Variants in ERC2 observed in about 807,000 individuals in gnomAD.
The protein encoded by ERC2 is ERC protein 2.
Under a neutral mutation model 114.8 loss-of-function variants are expected in ERC2, and 42 were observed. The ratio of observed to expected loss-of-function variants is 0.37; its 90% CI spans 0.29 to 0.47. The LOEUF (loss-of-function observed/expected upper bound fraction) is 0.47. Ranked by LOEUF, ERC2 falls within the 20% of genes least tolerant of loss-of-function variation. The probability of loss-of-function intolerance (pLI) is 0.99; values close to 1 mark genes in which losing one functional copy is unlikely to be tolerated. For synonymous variants in ERC2, 454 were observed against 425.5 expected, an observed-to-expected ratio of 1.07 and a Z score of -0.82; for missense variants, 939 against 1,150.7, an observed-to-expected ratio of 0.82 and a Z score of 2.66.
intron 14 of ERC2, among the ~76,000 whole-genome samples, chr3:55,835,824 C>G (rs1485405918): frequency 6.6e-6 from 1 of 152,066 alleles, no homozygotes; most frequent in Admixed American, 6.5e-5. Flanking sequence ...TCCCTGTTTG[C>G]AGATGACATG....
At chr3:56,454,688 A>G (rs1426795937) in intron 1 of ERC2, among the ~76,000 whole-genome samples, 5 of 151,946 alleles carry the variant, frequency 3.3e-5, no homozygotes, top group African/African-American at 7.2e-5. Context: ...CATCTTTACT[A>G]AAAAATACAA....
At chr3:56,291,903 C>T (rs1417653217) in intron 3 of ERC2, among the ~76,000 whole-genome samples, 1 of 151,670 alleles carries the variant, frequency 6.6e-6, no homozygotes, top group Non-Finnish European at 1.5e-5. Context: ...ATAAACTTTG[C>T]CTTATAAAAT....
chr3:55,522,157 T>G (rs2052997771), intron 17 of ERC2, among the ~76,000 whole-genome samples: 1 of 152,202 alleles, frequency 6.6e-6, no homozygotes, highest in South Asian at 2.1e-4. Context: ...AACCACCAAT[T>G]CAGAGTTTCC....
At chr3:56,246,601 C>T (rs998803220) in intron 3 of ERC2, among the ~76,000 whole-genome samples, 1 of 152,092 alleles carries the variant, frequency 6.6e-6, no homozygotes, top group Non-Finnish European at 1.5e-5. Flanking sequence ...AATACTCAGA[C>T]AAGATAAGTG....
chr3:55,840,069 T>A (rs957201917), intron 14 of ERC2, among the ~76,000 whole-genome samples: 3 of 151,960 alleles, frequency 2.0e-5, no homozygotes, highest in African/African-American at 7.2e-5. Context: ...GATTTCCAAA[T>A]AAAGAATATT....
At chr3:56,411,491 C>A (rs1046894895) in intron 2 of ERC2, among the ~76,000 whole-genome samples, 4 of 152,026 alleles carry the variant, frequency 2.6e-5, no homozygotes, top group Non-Finnish European at 5.9e-5. Context: ...TGGAAAATAG[C>A]ATACTTGCAG....
intron 2 of ERC2, among the ~76,000 whole-genome samples, chr3:56,378,734 T>G (rs753584735): frequency 2.6e-5 from 4 of 152,130 alleles, no homozygotes; most frequent in Non-Finnish European, 5.9e-5. Flanking sequence ...ATAAGCCAGA[T>G]GAATTGAGTT....
chr3:56,035,240 T>A (rs2074714649), intron 7 of ERC2, among the ~76,000 whole-genome samples: 1 of 152,176 alleles, frequency 6.6e-6, no homozygotes, highest in Admixed American at 6.5e-5. Flanking sequence ...ATGGATAAAT[T>A]TTTAGAAACA....
At chr3:56,441,907 C>T (rs2062329433) in intron 1 of ERC2, among the ~76,000 whole-genome samples, 2 of 152,184 alleles carry the variant, frequency 1.3e-5, no homozygotes, top group Admixed American at 1.3e-4. Flanking sequence ...GATACAGTGG[C>T]GTGTGCCTGT....
At chr3:55,988,755 A>G (rs762579674) in intron 11 of ERC2, among the ~76,000 whole-genome samples, 26 of 152,250 alleles carry the variant, frequency 1.7e-4, no homozygotes, top group African/African-American at 2.7e-4. Context: ...CAAAATTACA[A>G]ATTTAATTGC....
In ERC2 at chr3:56,210,454, G is replaced by C. The variant is rs117769812; in HGVS notation, c.1075-36934C>G. Among the ~76,000 whole-genome samples the C allele has an allele frequency of 3.2e-3, 493 of 152,288 alleles. 12 individuals are homozygous for C. The East Asian group carries it at 0.064, about 20-fold the overall frequency. On this transcript the variant is annotated intron_variant, in intron 3 of 17. Coordinates refer to ENST00000288221, the MANE Select transcript of ERC2 (RefSeq NM_015576.3). Reference sequence around the variant, plus strand: ...GAGGGAATCCATATAGGTGTGCTTTGTACTAAATACTACATTTTATGCTAT... The same window carrying C: ...GAGGGAATCCATATAGGTGTGCTTTCTACTAAATACTACATTTTATGCTAT...
intron 17 of ERC2, among the ~76,000 whole-genome samples, chr3:55,579,802 C>T (rs1235846651): frequency 6.6e-6 from 1 of 152,210 alleles, no homozygotes; most frequent in Non-Finnish European, 1.5e-5. Flanking sequence ...CATGATTTAA[C>T]CTCCTTTGCG....
chr3:56,066,923 C>T (rs968181421), intron 7 of ERC2, among the ~76,000 whole-genome samples: 2 of 152,160 alleles, frequency 1.3e-5, no homozygotes, highest in East Asian at 1.9e-4. Context: ...TGTTTTGGTA[C>T]TTGTACCATG....
chr3:56,453,533 T>G (rs1424674854), intron 1 of ERC2, among the ~76,000 whole-genome samples: 2 of 152,210 alleles, frequency 1.3e-5, no homozygotes, highest in African/African-American at 4.8e-5. Flanking sequence ...GGACAGTGCT[T>G]TCTCACTGAT....
At chr3:55,846,116 T>C (rs901683630) in intron 14 of ERC2, among the ~76,000 whole-genome samples, 5 of 152,194 alleles carry the variant, frequency 3.3e-5, no homozygotes, top group Non-Finnish European at 5.9e-5. Flanking sequence ...TAATACCCAA[T>C]AGTTATTTTT....
At chr3:55,872,949 T>C (rs775363895) in intron 14 of ERC2, among the ~76,000 whole-genome samples, 3 of 152,136 alleles carry the variant, frequency 2.0e-5, no homozygotes, top group Non-Finnish European at 4.4e-5. Flanking sequence ...TCTAGAAAAC[T>C]TCTGGTGGTA....
chr3:55,625,930 G>A lies in ERC2; in HGVS notation c.*39+57864C>T, dbSNP rs182917381. 2.6e-5 allele frequency among the ~76,000 whole-genome samples: 4 copies of A among 152,312 alleles called. No individual in the cohort carries two copies. In the East Asian group the frequency reaches 7.7e-4, roughly 29 times the overall value. ...TGAAAGGCATGTCTGTATTTCTACA[G>A]GAGGTTTGTGGTGGGTTCAGAAAAC... On this transcript the variant is annotated intron_variant, in intron 17 of 17. Transcript: ENST00000288221.
intron 3 of ERC2, among the ~76,000 whole-genome samples, chr3:56,272,197 G>C (rs115803805): frequency 6.6e-6 from 1 of 152,076 alleles, no homozygotes; most frequent in Non-Finnish European, 1.5e-5. Flanking sequence ...ACCCTTCTTC[G>C]CAATTCAAAG....
At chr3:55,996,897 A>T (rs978421881) in intron 10 of ERC2, among the ~76,000 whole-genome samples, 1 of 152,262 alleles carries the variant, frequency 6.6e-6, no homozygotes, top group Non-Finnish European at 1.5e-5. Context: ...AAAGTTAAGA[A>T]GCCAAAAATG....
Sources: gnomAD v4.1 joint callset for allele counts (sites outside exome capture counted in the v4.1 genomes callset) on GRCh38, gnomAD v4.1.1 for gene constraint, MANE v1.5 for transcripts, NCBI Gene and HGNC (gene_info 2026-07-23, HGNC 2026-07-21) for gene names.